Variants in PCDH9 observed in about 807,000 individuals in gnomAD.
PCDH9 encodes the protein protocadherin 9, also known as protocadherin-9.
In PCDH9, 24 loss-of-function variants were observed where a neutral mutation model predicts 70.6. The ratio of observed to expected loss-of-function variants is 0.34; its 90% CI spans 0.25 to 0.48. The LOEUF is 0.48. Among genes scored for constraint, PCDH9 ranks in the 20% least tolerant of loss-of-function variants. The probability of loss-of-function intolerance (pLI) is 0.99; values close to 1 mark genes in which losing one functional copy is unlikely to be tolerated. For synonymous variants in PCDH9, 562 were observed against 558.5 expected (o/e 1.01, Z -0.09); for missense variants, 1,281 against 1,503.6 (o/e 0.85, Z 2.45).
chr13:66,953,381 A>G (rs562364775), intron 2 of PCDH9, among the ~76,000 whole-genome samples: 2 of 152,348 alleles, frequency 1.3e-5, no homozygotes, highest in East Asian at 1.9e-4. Context: ...CCTGAAACAC[A>G]GTACATGTTC....
At chr13:66,423,130 G>A (rs1407629849) in intron 4 of PCDH9, among the ~76,000 whole-genome samples, 1 of 152,042 alleles carries the variant, frequency 6.6e-6, no homozygotes, top group Non-Finnish European at 1.5e-5. Flanking sequence ...TCCCTGAATA[G>A]ACCAATAACA....
At chr13:67,065,275 C>G (rs2085624962) in intron 2 of PCDH9, among the ~76,000 whole-genome samples, 1 of 152,086 alleles carries the variant, frequency 6.6e-6, no homozygotes. Context: ...AGAGCACACT[C>G]TAAGAGCTCA....
chr13:66,875,508 G>A (rs1255395104), intron 3 of PCDH9, among the ~76,000 whole-genome samples: 1 of 152,186 alleles, frequency 6.6e-6, no homozygotes, highest in East Asian at 1.9e-4. Flanking sequence ...AAGCACAGAG[G>A]TAAAAGGCTG....
intron 2 of PCDH9, among the ~76,000 whole-genome samples, chr13:67,078,531 A>G (rs2085922988): frequency 6.6e-6 from 1 of 152,080 alleles, no homozygotes; most frequent in Non-Finnish European, 1.5e-5. Flanking sequence ...TGCTCTTCCT[A>G]CAATACCCTC....
chr13:67,140,592 T>G (rs1289583984), intron 2 of PCDH9, among the ~76,000 whole-genome samples: 1 of 152,194 alleles, frequency 6.6e-6, no homozygotes, highest in Non-Finnish European at 1.5e-5. Context: ...GTAATAATTC[T>G]AGGTGTCCAC....
intron 4 of PCDH9, among the ~76,000 whole-genome samples, chr13:66,331,112 T>C (rs1955934172): frequency 6.6e-6 from 1 of 152,192 alleles, no homozygotes; most frequent in Non-Finnish European, 1.5e-5. Context: ...AAAGTTTGTA[T>C]GTCTGTGTGT....
chr13:66,886,605 G>A (rs1452207265), intron 3 of PCDH9, among the ~76,000 whole-genome samples: 1 of 152,134 alleles, frequency 6.6e-6, no homozygotes, highest in Non-Finnish European at 1.5e-5. Context: ...CAGCTCGAAA[G>A]GGTACATTTC....
At chr13:66,905,213 C>A (rs2082340536) in intron 2 of PCDH9, among the ~76,000 whole-genome samples, 1 of 151,930 alleles carries the variant, frequency 6.6e-6, no homozygotes, top group Admixed American at 6.6e-5. Flanking sequence ...GACCTTAAAA[C>A]AGTTATTTTC....
At chr13:66,824,870 T>C (rs2080790286) in intron 3 of PCDH9, among the ~76,000 whole-genome samples, 1 of 151,612 alleles carries the variant, frequency 6.6e-6, no homozygotes, top group Admixed American at 6.6e-5. Flanking sequence ...GTCTTAAATC[T>C]GTCTAAAAGA....
At chr13:66,433,578 G>A (rs1253438819) in intron 4 of PCDH9, among the ~76,000 whole-genome samples, 1 of 151,248 alleles carries the variant, frequency 6.6e-6, no homozygotes, top group East Asian at 2.0e-4. Context: ...TGTGTATGCT[G>A]TCATATTAAA....
chr13:66,489,825 T>A (rs1337293244), intron 4 of PCDH9, among the ~76,000 whole-genome samples: 1 of 152,190 alleles, frequency 6.6e-6, no homozygotes, highest in African/African-American at 2.4e-5. Flanking sequence ...TCTGTTATGA[T>A]AAGAACACGG....
rs73505839 is a variant in PCDH9, at chr13:66,333,304, T to C, written c.3341-28276A>G. 9.2e-3 allele frequency among the ~76,000 whole-genome samples: 1,404 copies of C among 152,266 alleles called. 26 individuals are homozygous for C. The highest frequency in any genetic ancestry group is 0.032 in the African/African-American group (1,313 of 41,554). On this transcript the variant is annotated intron_variant, in intron 4 of 4. Coordinates refer to ENST00000377865, the MANE Select transcript of PCDH9 (RefSeq NM_203487.3). Reference sequence around the variant, plus strand: ...AACCTGCTCCCAGACATTAACTGCATGAGACATCAGAAATCTGAAATTCCC... The same window carrying C: ...AACCTGCTCCCAGACATTAACTGCACGAGACATCAGAAATCTGAAATTCCC...
At chr13:66,648,777 C>T (rs926309987) in intron 3 of PCDH9, among the ~76,000 whole-genome samples, 1 of 151,972 alleles carries the variant, frequency 6.6e-6, no homozygotes, top group African/African-American at 2.4e-5. Flanking sequence ...ATTTGACCTT[C>T]CAGACAGAGA....
chr13:67,179,682 A>G (rs530882940), intron 2 of PCDH9, among the ~76,000 whole-genome samples: 1 of 152,230 alleles, frequency 6.6e-6, no homozygotes, highest in Non-Finnish European at 1.5e-5. Flanking sequence ...AGTTTTCATA[A>G]GGTCATCATT....
At chr13:66,899,719 T>A (rs1020358289) in intron 3 of PCDH9, among the ~76,000 whole-genome samples, 5 of 152,084 alleles carry the variant, frequency 3.3e-5, no homozygotes, top group African/African-American at 1.2e-4. Flanking sequence ...AAATGCTTAT[T>A]AAAGGCATTA....
intron 3 of PCDH9, among the ~76,000 whole-genome samples, chr13:66,844,020 T>C (rs1420226729): frequency 1.3e-5 from 2 of 152,274 alleles, no homozygotes; most frequent in East Asian, 1.9e-4. Context: ...CATTTTTTTT[T>C]CAAGAATATC....
chr13:66,791,071 T>A (rs950410263), intron 3 of PCDH9, among the ~76,000 whole-genome samples: 2 of 152,142 alleles, frequency 1.3e-5, no homozygotes, highest in Admixed American at 1.3e-4. Flanking sequence ...TGAGGTTAGC[T>A]ATCATCCTAC....
At chr13:67,056,022 T>C (rs2085413553) in intron 2 of PCDH9, among the ~76,000 whole-genome samples, 1 of 152,084 alleles carries the variant, frequency 6.6e-6, no homozygotes, top group South Asian at 2.1e-4. Flanking sequence ...ATAAATAGAA[T>C]ATTTTAGAAG....
chr13:66,361,702 T>G (rs1956474150), intron 4 of PCDH9, among the ~76,000 whole-genome samples: 1 of 152,194 alleles, frequency 6.6e-6, no homozygotes, highest in Non-Finnish European at 1.5e-5. Flanking sequence ...CTATTGATCA[T>G]TAAGCTACAC....
Sources: gnomAD v4.1 joint callset for allele counts (sites outside exome capture counted in the v4.1 genomes callset) on GRCh38, gnomAD v4.1.1 for gene constraint, MANE v1.5 for transcripts, NCBI Gene and HGNC (gene_info 2026-07-23, HGNC 2026-07-21) for gene names.